Variants in FLNC observed in about 807,000 individuals in gnomAD.
FLNC encodes filamin-C.
In FLNC, 91 loss-of-function variants were observed where a neutral mutation model predicts 254.3. The observed-to-expected ratio is 0.36, with a 90% CI of 0.30 to 0.43. FLNC has a LOEUF of 0.43. FLNC is among the 20% of genes least tolerant of loss of function. The probability of loss-of-function intolerance (pLI) is 1.00; values close to 1 mark genes in which losing one functional copy is unlikely to be tolerated. For synonymous variants in FLNC, 1,430 were observed against 1,577.2 expected, an observed-to-expected ratio of 0.91 and a Z score of 2.21; for missense variants, 2,853 against 3,802.6, an observed-to-expected ratio of 0.75 and a Z score of 6.57.
At position 128,843,274 on chromosome 7, in the gene FLNC, G is replaced by A. The variant is rs201006462; in HGVS notation, c.2596G>A (p.Asp866Asn). The change falls in exon 17 of 48, where the codon GAT (aspartate) becomes AAT (asparagine). Residue 866 changes from aspartate (D) to asparagine (N), a missense_variant. This residue lies in a region of FLNC where 1,573 missense variants were observed against 1,883.5 expected (regional missense o/e 0.84). Transcript: ENST00000325888. ...CCACATCAAGGTGGACCCATCCCAC[G>A]ATGCCAGCAAAGTCAAGGCCGAGGG... ...PFHIKVDPSHDASKVKAEGPG... is the reference protein window; with the variant it reads ...PFHIKVDPSHNASKVKAEGPG... The A allele has an allele frequency of 1.7e-5, 27 of 1,611,336 alleles. No individual in the cohort carries two copies. Among genetic ancestry groups the A allele is most frequent in the African/African-American group, 1.1e-4 (8 of 74,872 alleles).
Position 128,849,377 on chromosome 7 carries a change from C to G in FLNC, c.4998C>G (p.Ile1666Met), listed in dbSNP as rs1808709608. Residue 1666 changes from isoleucine to methionine, a missense_variant, in exon 30 of 48, where the codon ATC (isoleucine) becomes ATG (methionine). Coordinates refer to ENST00000325888, the MANE Select transcript of FLNC (RefSeq NM_001458.5). ...TCCAGATTGGGCAGGAGACGGTGAT[C>G]ACGGTGGATGCCAAGGCAGCCGGTG... ...PRIQIGQETVITVDAKAAGEG... is the reference protein window; with the variant it reads ...PRIQIGQETVMTVDAKAAGEG... 6.2e-7 allele frequency: 1 copy of G among 1,614,148 alleles called. No individual in the cohort carries two copies. Among genetic ancestry groups the G allele is most frequent in the Non-Finnish European group, 8.5e-7 (1 of 1,180,038 alleles).
In FLNC at chr7:128,849,214, C is replaced by G; in HGVS notation, c.4951+10C>G. The G allele has an allele frequency of 6.2e-7, 1 of 1,614,118 alleles. No individual in the cohort carries two copies. Among genetic ancestry groups the G allele is most frequent in the South Asian group, 1.1e-5 (1 of 91,082 alleles). ...GGAGGCCATGGCCTGGGTGAGTGCC[C>G]TTTCTCTCCTCTTCTTGGTGTGGGC... On this transcript the variant is annotated intron_variant, in intron 29 of 47. Coordinates refer to ENST00000325888, the MANE Select transcript of FLNC (RefSeq NM_001458.5).
chr7:128,850,654 C>T, intron 32 of FLNC, 149 bp from the exon 33 acceptor site: 1 of 1,321,996 alleles, frequency 7.6e-7, no homozygotes. Context: ...CATCTGTCCC[C>T]AGTTCAGGGC....
chr7:128,842,798 C>T lies in FLNC; in HGVS notation c.2394C>T (p.Asp798=), dbSNP rs747802743. ...TVDCSEAGQG[D]VSIGIKCAPG... ...GCAGTGCCCGCTTCTCTGCAGGCGA[C>T]GTGAGCATCGGCATCAAGTGCGCCC... Residue 798 remains aspartate (D), a synonymous_variant, in exon 16 of 48, where the codon GAC becomes GAT. Transcript: ENST00000325888. The surrounding 1 kb of genome is among the most constrained non-coding windows in gnomAD (Gnocchi z 5.4). 40 of 1,613,442 alleles carry T rather than the reference C, an allele frequency of 2.5e-5. No homozygotes were observed. The highest frequency in any genetic ancestry group is 2.2e-4 in the Admixed American group (13 of 60,004).
At chr7:128,839,035 G>A (rs1159048252) in intron 8 of FLNC, among the ~76,000 whole-genome samples, 1 of 152,178 alleles carries the variant, frequency 6.6e-6, no homozygotes, top group Non-Finnish European at 1.5e-5. Context: ...TGTATGGGTG[G>A]GGGCATATCT....
In FLNC at chr7:128,845,119, T is replaced by G. The variant is rs1357609481; in HGVS notation, c.3654T>G (p.Pro1218=). 1.5e-5 allele frequency: 24 copies of G among 1,613,610 alleles called. No homozygotes were observed. The highest frequency in any genetic ancestry group is 1.9e-5 in the Non-Finnish European group (23 of 1,180,016). The change falls in exon 21 of 48, where the codon CCT becomes CCG. Residue 1218 remains proline, a synonymous_variant. Coordinates refer to ENST00000325888, the MANE Select transcript of FLNC (RefSeq NM_001458.5). ...ADGTYHITYS[P]AFPGTYTITI... Reference sequence around the variant, plus strand: ...GCACCTACCACATCACCTACAGCCCTGCCTTCCCTGGCACCTACACCATTA... The same window carrying G: ...GCACCTACCACATCACCTACAGCCCGGCCTTCCCTGGCACCTACACCATTA...
Position 128,856,425 on chromosome 7 carries a change from C to G in FLNC, c.7252-93C>G, listed in dbSNP as rs1197707942. 6 of 1,532,424 alleles carry G rather than the reference C, an allele frequency of 3.9e-6. No individual in the cohort carries two copies. The highest frequency in any genetic ancestry group is 2.2e-5 in the South Asian group (2 of 89,204). The allele number at this position is 1,532,424 out of a possible 1,614,324, so 94.9% of individuals were successfully genotyped here. A position where few individuals can be genotyped will look rare whatever the true frequency, so the allele number is the denominator to read the frequency against. ...GCATGGGGTGGCAGCAGCCTTTGGG[C>G]TGGGCTTACAGTGAGCACCGTGTGG... is the stretch of plus-strand genomic sequence containing the variant. On this transcript the variant is annotated intron_variant, in intron 43 of 47. Coordinates refer to ENST00000325888, the MANE Select transcript of FLNC (RefSeq NM_001458.5). The surrounding 1 kb of genome is among the most constrained non-coding windows in gnomAD (Gnocchi z 5.9).
chr7:128,838,416 C>T lies in FLNC; in HGVS notation c.1197C>T (p.Asp399=), dbSNP rs756546984. The change falls in exon 7 of 48, where the codon GAC becomes GAT. Residue 399 remains aspartate, a synonymous_variant. Coordinates refer to ENST00000325888, the MANE Select transcript of FLNC (RefSeq NM_001458.5). ...TGGCCAACAAACCCACCTACTTTGA[C>T]ATCTACACTGCGGGTAGGACGGGCC... is the stretch of plus-strand genomic sequence containing the variant. The part of the protein sequence containing the change: ...GNVANKPTYF[D]IYTAGAGTGD... 2 of 1,610,598 alleles carry T rather than the reference C, an allele frequency of 1.2e-6. No individual in the cohort carries two copies. Among genetic ancestry groups the T allele is most frequent in the Admixed American group, 3.3e-5 (2 of 59,760 alleles).
In FLNC at chr7:128,830,681, G is replaced by A; in HGVS notation, c.44G>A (p.Gly15Asp). 1 of 1,612,780 alleles carries A rather than the reference G, an allele frequency of 6.2e-7. No homozygotes were observed. The highest frequency in any genetic ancestry group is 1.7e-4 in the Middle Eastern group (1 of 6,060). Residue 15 changes from glycine (G) to aspartate (D), a missense_variant, in exon 1 of 48, where the codon GGC becomes GAC. Around this residue, in one of 10 missense-constraint regions of FLNC, gnomAD observed 37 missense variants for 32.7 expected, o/e 1.13. Coordinates refer to ENST00000325888, the MANE Select transcript of FLNC (RefSeq NM_001458.5). Reference protein sequence around the residue: ...SGYSDAGLGLGDETDEMPSTE... With the variant: ...SGYSDAGLGLDDETDEMPSTE... ...TACTCAGACGCCGGCCTCGGCCTGG[G>A]CGATGAGACAGACGAGATGCCGTCC...
chr7:128,849,116 A>AAG, intron 28 of FLNC, 65 bp from the exon 29 acceptor site: 1 of 1,489,066 alleles, frequency 6.7e-7, no homozygotes, highest in Non-Finnish European at 9.3e-7. Flanking sequence ...TCCCTCCCTC[A>AAG]CCCCCGCCCA....
rs992969685 is a variant in FLNC, at chr7:128,842,076, C to T, written c.2122-155C>T. 2.6e-5 allele frequency among the ~76,000 whole-genome samples: 4 copies of T among 151,878 alleles called. No homozygotes were observed. Among genetic ancestry groups the T allele is most frequent in the Non-Finnish European group, 4.4e-5 (3 of 67,966 alleles). On this transcript the variant is annotated intron_variant, in intron 13 of 47. Transcript: ENST00000325888. This position sits in a 1 kb window ranked among gnomAD's most constrained non-coding sequence, Gnocchi z 5.4. Reference sequence around the variant, plus strand: ...CCAGGGTGGGCTCTGGCCGCCAGAGCACGTGGCCCTGGGCTCTGGTGGCCT... The same window carrying T: ...CCAGGGTGGGCTCTGGCCGCCAGAGTACGTGGCCCTGGGCTCTGGTGGCCT...
intron 1 of FLNC, among the ~76,000 whole-genome samples, chr7:128,831,761 GAGGA>G (rs1455978055): frequency 3.3e-5 from 5 of 151,948 alleles, no homozygotes; most frequent in African/African-American, 1.2e-4. Context: ...CTGTGGAAGG[GAGGA>G]AGTCTTTGAG....
chr7:128,842,998 C>T lies in FLNC; in HGVS notation c.2550+44C>T. ...ACTCACAGCGACATGCACCTGCCAG[C>T]TCCAGAAGGCAGCTGGAGATGCTGT... On this transcript the variant is annotated intron_variant, in intron 16 of 47. Coordinates refer to ENST00000325888, the MANE Select transcript of FLNC (RefSeq NM_001458.5). This position sits in a 1 kb window ranked among gnomAD's most constrained non-coding sequence, Gnocchi z 5.4. 1 of 1,606,260 alleles carries T rather than the reference C, an allele frequency of 6.2e-7. No homozygotes were observed. Among genetic ancestry groups the T allele is most frequent in the Non-Finnish European group, 8.5e-7 (1 of 1,173,830 alleles).
In FLNC at chr7:128,850,395, G is replaced by A. The variant is rs777868799; in HGVS notation, c.5310G>A (p.Glu1770=). Residue 1770 remains glutamate, a synonymous_variant, in exon 32 of 48, where the codon GAG becomes GAA. Transcript: ENST00000325888. Reference sequence around the variant, plus strand: ...CTCACCTGCTGCAGGCCACAGAGGAGCCAGTGGTGCCTGTGGAGCCAATGG... The same window carrying A: ...CTCACCTGCTGCAGGCCACAGAGGAACCAGTGGTGCCTGTGGAGCCAATGG... ...GARPTHWATE[E]PVVPVEPMES... The A allele has an allele frequency of 4.3e-6, 7 of 1,613,498 alleles. No homozygotes were observed. Among genetic ancestry groups the A allele is most frequent in the Non-Finnish European group, 5.9e-6 (7 of 1,179,458 alleles).
Position 128,856,591 on chromosome 7 carries a change from C to T in FLNC, c.7325C>T (p.Ala2442Val). 6.2e-7 allele frequency: 1 copy of T among 1,612,730 alleles called. No individual in the cohort carries two copies. Among genetic ancestry groups the T allele is most frequent in the Non-Finnish European group, 8.5e-7 (1 of 1,180,008 alleles). The change falls in exon 44 of 48, where the codon GCC (alanine) becomes GTC (valine). Residue 2442 changes from alanine (A) to valine (V), a missense_variant. Ala to Val is a moderately conservative substitution (Grantham distance 64, BLOSUM62 0). This residue lies in a region of FLNC where 47 missense variants were observed against 40.3 expected (regional missense o/e 1.17). Transcript: ENST00000325888. The surrounding 1 kb of genome is among the most constrained non-coding windows in gnomAD (Gnocchi z 5.9). ...AACGGTGCCCGGGGCGTGATTGATG[C>T]CCGGGTGCACACACCCTCGGGGGCT... ...QLNGARGVID[A>V]RVHTPSGAVE...
intron 1 of FLNC, 99 bp downstream of exon 1, chr7:128,831,088 AG>A (rs1807870651): frequency 9.1e-7 from 1 of 1,102,016 alleles, no homozygotes; most frequent in Admixed American, 2.2e-5. Flanking sequence ...GCTGAGAGAC[AG>A]GGCGGAGGGC....
At chr7:128,837,915 G>A in intron 5 of FLNC, 72 bp from the exon 6 acceptor site, 3 of 1,441,858 alleles carry the variant, frequency 2.1e-6, no homozygotes, top group East Asian at 2.3e-5. Flanking sequence ...GGGCTGGGGT[G>A]CATAAGGCAC....
Position 128,847,758 on chromosome 7 carries a change from G to A in FLNC, c.4350G>A (p.Gly1450=), listed in dbSNP as rs769921610. 3 of 1,614,034 alleles carry A rather than the reference G, an allele frequency of 1.9e-6. No homozygotes were observed. The highest frequency in any genetic ancestry group is 1.1e-5 in the South Asian group (1 of 91,096). Reference sequence around the variant, plus strand: ...ACCCTGGGAAGGTGAAGTGCTCAGGGCCAGGGCTGGGGGCTGGTGTCAGGG... The same window carrying A: ...ACCCTGGGAAGGTGAAGTGCTCAGGACCAGGGCTGGGGGCTGGTGTCAGGG... ...VVDPGKVKCS[G]PGLGAGVRAR... is the part of the protein sequence containing the mutation. The change falls in exon 25 of 48, where the codon GGG becomes GGA. Residue 1450 remains glycine (G), a synonymous_variant. Coordinates refer to ENST00000325888, the MANE Select transcript of FLNC (RefSeq NM_001458.5).
intron 30 of FLNC, 36 bp downstream of exon 30, chr7:128,849,614 G>A: frequency 6.2e-7 from 1 of 1,608,850 alleles, no homozygotes. Context: ...TAGATGGCTG[G>A]GGAGGGGGGC....
Sources: gnomAD v4.1 joint callset for allele counts (sites outside exome capture counted in the v4.1 genomes callset) on GRCh38, gnomAD v4.1.1 for gene constraint, gnomAD v4.1.1 regional missense constraint, Gnocchi (gnomAD v3.1) non-coding constraint, MANE v1.5 for transcripts, NCBI Gene and HGNC (gene_info 2026-07-23, HGNC 2026-07-21) for gene names.